Variants in TMEM87B observed in about 807,000 individuals in gnomAD.
TMEM87B encodes transmembrane protein 87B.
TMEM87B carries 83 observed loss-of-function variants against 80.3 expected under a neutral mutation model. That is an observed-to-expected ratio of 1.03 (90% CI 0.87 to 1.24). The LOEUF is 1.24. TMEM87B is among the 50% of genes most tolerant of loss of function. The pLI is 0.00. For missense variants in TMEM87B, 625 were observed against 674.4 expected, an observed-to-expected ratio of 0.93 and a Z score of 0.81; for synonymous variants, 219 against 230.5, an observed-to-expected ratio of 0.95 and a Z score of 0.45.
intron 17 of TMEM87B, 78 bp downstream of exon 17, chr2:112,107,918 G>A (rs763118636): frequency 2.0e-6 from 2 of 1,013,604 alleles, no homozygotes; most frequent in Non-Finnish European, 2.9e-6. Flanking sequence ...CCTTTGTCAT[G>A]TGCTTTTCAA....
intron 10 of TMEM87B, among the ~76,000 whole-genome samples, chr2:112,091,126 G>T (rs1433507980): frequency 6.6e-6 from 1 of 152,002 alleles, no homozygotes; most frequent in Non-Finnish European, 1.5e-5. Flanking sequence ...TGTAATCCTA[G>T]CTACTTGGGA....
chr2:112,055,846 G>C (rs1678035754), intron 1 of TMEM87B, 90 bp downstream of exon 1: 1 of 1,394,582 alleles, frequency 7.2e-7, no homozygotes, highest in African/African-American at 1.5e-5. Flanking sequence ...TGTTCACCCT[G>C]CCTCTGCCGG....
intron 8 of TMEM87B, among the ~76,000 whole-genome samples, chr2:112,084,261 G>T (rs78344366): frequency 0.019 from 2,929 of 152,268 alleles, 103 homozygotes; most frequent in African/African-American, 0.066. Flanking sequence ...CAACATTTGT[G>T]ATGATAAACC....
intron 17 of TMEM87B, among the ~76,000 whole-genome samples, chr2:112,111,293 G>A (rs983478933): frequency 6.6e-6 from 1 of 152,122 alleles, no homozygotes; most frequent in African/African-American, 2.4e-5. Context: ...CATTTTAGAA[G>A]GAAATTATTT....
intron 16 of TMEM87B, among the ~76,000 whole-genome samples, chr2:112,107,345 C>T (rs1031714566): frequency 8.0e-6 from 1 of 124,748 alleles, no homozygotes; most frequent in Non-Finnish European, 1.6e-5. Context: ...GCGACAGAGT[C>T]AGACTCTGTC....
intron 5 of TMEM87B, among the ~76,000 whole-genome samples, chr2:112,075,843 G>T (rs1678797040): frequency 6.6e-6 from 1 of 152,168 alleles, no homozygotes; most frequent in Admixed American, 6.5e-5. Flanking sequence ...TACAAAATCT[G>T]TCATATGATG....
Position 112,118,141 on chromosome 2 carries a change from G to T in TMEM87B, c.*1998G>T, listed in dbSNP as rs185208778. The T allele has an allele frequency of 1.9e-4, 29 of 152,336 alleles. 1 individual carries two copies. In the East Asian group the frequency reaches 5.6e-3, roughly 29 times the overall value. 9.4% of individuals were successfully genotyped at this position (152,336 alleles called of 1,614,324 possible). ...ACAAATACTGTTACTAGAAGGGCAT[G>T]TGCTGTCTGTCACCTTCAGTAATAT... On this transcript the variant is annotated 3_prime_UTR_variant, in exon 19 of 19. Coordinates refer to ENST00000283206, the MANE Select transcript of TMEM87B (RefSeq NM_032824.3).
rs35044756 is a variant in TMEM87B, at chr2:112,077,038, C to CAA, written c.502-137_502-136dup. On this transcript the variant is annotated intron_variant, in intron 5 of 18. Transcript: ENST00000283206. ...GGGCAACATGGTGAGACCCCCATCT[C>CAA]AAAAAAAAAAAAAAAAAAGGAAAAA... Among the ~76,000 whole-genome samples, 210 of 85,080 alleles carry CAA rather than the reference C, an allele frequency of 2.5e-3. 2 individuals carry two copies. Among genetic ancestry groups the CAA allele is most frequent in the Middle Eastern group, 6.0e-3 (1 of 168 alleles). 55.8% of individuals were successfully genotyped at this position (85,080 alleles called of 152,430 possible).
At chr2:112,101,064 A>G (rs1156388338) in intron 15 of TMEM87B, among the ~76,000 whole-genome samples, 1 of 152,190 alleles carries the variant, frequency 6.6e-6, no homozygotes, top group African/African-American at 2.4e-5. Context: ...ATTTCTGATC[A>G]TGCTGAAAGC....
chr2:112,106,126 A>G (rs754461109), intron 16 of TMEM87B, 51 bp downstream of exon 16: 2 of 1,181,020 alleles, frequency 1.7e-6, no homozygotes, highest in Non-Finnish European at 2.3e-6. Context: ...AGTCTTCACT[A>G]CTTTAGAGAG....
chr2:112,069,198 CAAAAAAAAA>C lies in TMEM87B; in HGVS notation c.450+2146_450+2154del, dbSNP rs1280554360. ...TGGGCGACAGAGCGAGACTCCGTCT[CAAAAAAAAA>C]AAAAAAAAAAAAAACTCATGTCACA... On this transcript the variant is annotated intron_variant, in intron 4 of 18. Transcript: ENST00000283206. Among the ~76,000 whole-genome samples the C allele has an allele frequency of 4.8e-5, 3 of 62,378 alleles. No homozygotes were observed. The South Asian group carries it at 1.9e-3, about 39-fold the overall frequency. The allele number at this position is 62,378 out of a possible 152,430, so 40.9% of individuals were successfully genotyped here.
In TMEM87B at chr2:112,091,727, G is replaced by C; in HGVS notation, c.1048G>C (p.Ala350Pro). ...TATCTTTCAGGGTTCTAACCATTTAGCTGTTGTTCTTGATGACATTATTTT... is the reference window on the plus strand; with the variant it reads ...TATCTTTCAGGGTTCTAACCATTTACCTGTTGTTCTTGATGACATTATTTT... ...MRVIGGSNHL[A>P]VVLDDIILAV... Residue 350 changes from alanine (A) to proline (P), a missense_variant, in exon 11 of 19, where the codon GCT becomes CCT. By Grantham distance (27) the Ala-to-Pro change is conservative (BLOSUM62 -1). Coordinates refer to ENST00000283206, the MANE Select transcript of TMEM87B (RefSeq NM_032824.3). 2.5e-6 allele frequency: 4 copies of C among 1,612,898 alleles called. No individual in the cohort carries two copies. The highest frequency in any genetic ancestry group is 1.3e-5 in the African/African-American group (1 of 74,978).
chr2:112,064,664 A>G (rs1678363270), intron 3 of TMEM87B, among the ~76,000 whole-genome samples: 3 of 152,196 alleles, frequency 2.0e-5, no homozygotes, highest in Non-Finnish European at 4.4e-5. Context: ...GTATCTGGGG[A>G]AAGGCAGAGG....
At chr2:112,093,999 A>C (rs1679379934) in intron 11 of TMEM87B, among the ~76,000 whole-genome samples, 1 of 152,160 alleles carries the variant, frequency 6.6e-6, no homozygotes, top group Non-Finnish European at 1.5e-5. Context: ...ATATCTATTC[A>C]ATTTAGAATT....
At chr2:112,086,185 G>C in intron 9 of TMEM87B, 81 bp downstream of exon 9, 2 of 1,092,156 alleles carry the variant, frequency 1.8e-6, no homozygotes, top group Non-Finnish European at 2.7e-6. Context: ...TGTGAAAATG[G>C]AACTTCTAAG....
chr2:112,086,640 C>G (rs1034339519), intron 9 of TMEM87B, among the ~76,000 whole-genome samples: 1 of 152,130 alleles, frequency 6.6e-6, no homozygotes, highest in Non-Finnish European at 1.5e-5. Flanking sequence ...TGCTTCTTTC[C>G]TAAAACCCTG....
At chr2:112,105,451 C>CT (rs1679740435) in intron 15 of TMEM87B, among the ~76,000 whole-genome samples, 1 of 152,204 alleles carries the variant, frequency 6.6e-6, no homozygotes, top group Admixed American at 6.5e-5. Context: ...GTCAGAAACA[C>CT]TAAGTCACAG....
At chr2:112,081,024 T>C (rs1325521723) in intron 6 of TMEM87B, 33 bp from the exon 7 acceptor site, 1 of 1,578,072 alleles carries the variant, frequency 6.3e-7, no homozygotes, top group Non-Finnish European at 8.7e-7. Flanking sequence ...TAAGACTGAC[T>C]GTTAATTAAC....
chr2:112,107,038 T>C (rs1679787536), intron 16 of TMEM87B, among the ~76,000 whole-genome samples: 1 of 152,184 alleles, frequency 6.6e-6, no homozygotes, highest in African/African-American at 2.4e-5. Context: ...AAATGAGTGA[T>C]ACAAATAAAT....
Sources: allele counts gnomAD v4.1 joint callset (sites outside exome capture counted in the v4.1 genomes callset), GRCh38; gene constraint gnomAD v4.1.1; transcripts MANE v1.5; gene names NCBI Gene and HGNC (gene_info 2026-07-23, HGNC 2026-07-21).